FRMPD4: variants seen among roughly 807,000 people sequenced by gnomAD.
FRMPD4 encodes the protein FERM and PDZ domain containing 4.
Under a neutral mutation model 94.1 loss-of-function variants are expected in FRMPD4, and 22 were observed. The ratio of observed to expected loss-of-function variants is 0.23; its 90% confidence interval spans 0.17 to 0.33. The LOEUF is 0.33. Among genes scored for constraint, FRMPD4 ranks in the 10% least tolerant of loss-of-function variants. The pLI is 1.00. For missense variants in FRMPD4, 1,111 were observed against 1,339.9 expected (o/e 0.83, Z 2.67); for synonymous variants, 631 against 548.6 (o/e 1.15, Z -2.10).
At chrX:11,882,508 C>T (rs890910868) in intron 3 of FRMPD4, among the ~76,000 whole-genome samples, 10 of 111,418 alleles carry the variant, frequency 9.0e-5, no homozygotes, top group South Asian at 3.8e-4. Context: ...ACCAACATGA[C>T]GCTACAAGTG....
At chrX:12,432,847 A>G (rs1181660262) in intron 1 of FRMPD4, among the ~76,000 whole-genome samples, 1 of 112,307 alleles carries the variant, frequency 8.9e-6, no homozygotes, top group Non-Finnish European at 1.9e-5. Flanking sequence ...GCAATCCTCC[A>G]GCCTTGGCCT....
intron 1 of FRMPD4, among the ~76,000 whole-genome samples, chrX:12,434,359 C>G (rs4645721): frequency 0.19 from 21,373 of 110,941 alleles, 1,698 homozygotes; most frequent in South Asian, 0.24. Context: ...TTCTCTCCAC[C>G]TATAAAGATT....
chrX:12,694,006 T>C (rs1201569385), intron 8 of FRMPD4, among the ~76,000 whole-genome samples: 2 of 111,406 alleles, frequency 1.8e-5, no homozygotes, highest in Non-Finnish European at 3.8e-5. Context: ...CTATAGCTAC[T>C]CTCTGCTGGG....
At chrX:12,192,514 G>A (rs1333645118) in intron 1 of FRMPD4, among the ~76,000 whole-genome samples, 1 of 111,733 alleles carries the variant, frequency 8.9e-6, no homozygotes, top group Non-Finnish European at 1.9e-5. Flanking sequence ...GGTAGGAAGG[G>A]TTTTGTGAGC....
intron 3 of FRMPD4, among the ~76,000 whole-genome samples, chrX:11,976,414 T>TTCTGCATG (rs1417848810): frequency 8.9e-6 from 1 of 112,534 alleles, no homozygotes; most frequent in Non-Finnish European, 1.9e-5. Flanking sequence ...GCAGCTTTGA[T>TTCTGCATG]GTTCTGGCAT....
intron 3 of FRMPD4, among the ~76,000 whole-genome samples, chrX:11,967,734 A>ATG (rs1169732749): frequency 0.014 from 1,283 of 90,462 alleles, 43 homozygotes; most frequent in African/African-American, 0.043. Flanking sequence ...TTCTAGGCAG[A>ATG]TGTGTGTGTG....
At chrX:12,158,444 A>G (rs1168908548) in intron 1 of FRMPD4, among the ~76,000 whole-genome samples, 2 of 111,972 alleles carry the variant, frequency 1.8e-5, no homozygotes, top group Admixed American at 1.9e-4. Context: ...GTAAAAAATC[A>G]TAGATGTAGA....
chrX:12,635,780 G>A (rs1265630347), intron 4 of FRMPD4, among the ~76,000 whole-genome samples: 1 of 111,837 alleles, frequency 8.9e-6, no homozygotes, highest in Non-Finnish European at 1.9e-5. Flanking sequence ...ACTACAGCTG[G>A]TCATTCTTGG....
intron 1 of FRMPD4, among the ~76,000 whole-genome samples, chrX:11,843,978 CTTTTTTTTT>C (rs1193068056): frequency 1.6e-5 from 1 of 61,405 alleles, no homozygotes; most frequent in African/African-American, 7.1e-5. Flanking sequence ...GTTATGAATT[CTTTTTTTTT>C]TTTTTTTTTT....
At chrX:12,670,936 A>G (rs141035101) in intron 4 of FRMPD4, among the ~76,000 whole-genome samples, 8,376 of 112,426 alleles carry the variant, frequency 0.075, 288 homozygotes, top group Middle Eastern at 0.17. Context: ...AAGGATATGA[A>G]CAAACACTTC....
chrX:12,577,987 GT>G (rs2058828329), intron 2 of FRMPD4, among the ~76,000 whole-genome samples: 1 of 112,617 alleles, frequency 8.9e-6, no homozygotes, highest in African/African-American at 3.2e-5. Context: ...TCAGTTCTAG[GT>G]GAAGGCCCGC....
chrX:12,640,353 G>C (rs1470189330), intron 4 of FRMPD4, among the ~76,000 whole-genome samples: 2 of 103,284 alleles, frequency 1.9e-5, no homozygotes, highest in African/African-American at 7.0e-5. Flanking sequence ...GAAGGAGGAA[G>C]TAGTCGAAAG....
chrX:12,158,820 C>T (rs931406478), intron 1 of FRMPD4, among the ~76,000 whole-genome samples: 3 of 112,014 alleles, frequency 2.7e-5, no homozygotes, highest in African/African-American at 9.7e-5. Context: ...TTTGTTTCTA[C>T]TGAGCATATT....
At chrX:12,543,385 A>G (rs1456494127) in intron 2 of FRMPD4, among the ~76,000 whole-genome samples, 3 of 111,829 alleles carry the variant, frequency 2.7e-5, no homozygotes, top group African/African-American at 9.7e-5. Context: ...ACTCAAACAA[A>G]CTCACAAGAA....
intron 3 of FRMPD4, among the ~76,000 whole-genome samples, chrX:12,003,282 A>G (rs1334671714): frequency 8.9e-6 from 1 of 112,037 alleles, no homozygotes; most frequent in Non-Finnish European, 1.9e-5. Flanking sequence ...AAATAGGGAT[A>G]TAATAGGATT....
At position 12,249,748 on chromosome X, in the gene FRMPD4, A is replaced by G. The variant is rs375661592; in HGVS notation, c.41+110736A>G. ...GCAGTTTTCAGAGACTTAAGCCATC[A>G]AAATCATTCCCTCAAAAATGATTCT... On this transcript the variant is annotated intron_variant, in intron 1 of 16. Coordinates refer to ENST00000675598, the MANE Select transcript of FRMPD4 (RefSeq NM_001368397.1). Among the ~76,000 whole-genome samples the G allele has an allele frequency of 8.0e-5, 9 of 111,852 alleles. No individual in the cohort carries two copies. The South Asian group carries it at 3.4e-3, about 42-fold the overall frequency.
chrX:12,589,509 T>A (rs1399990731), intron 2 of FRMPD4, among the ~76,000 whole-genome samples: 1 of 111,910 alleles, frequency 8.9e-6, no homozygotes, highest in Admixed American at 9.5e-5. Flanking sequence ...TCATGTGGCA[T>A]GGGTAAGATT....
intron 1 of FRMPD4, among the ~76,000 whole-genome samples, chrX:12,308,551 T>C (rs1157040364): frequency 9.0e-6 from 1 of 111,491 alleles, no homozygotes; most frequent in East Asian, 2.8e-4. Flanking sequence ...TGCATTTGAA[T>C]TGAATGGTAT....
intron 1 of FRMPD4, among the ~76,000 whole-genome samples, chrX:12,261,747 A>G (rs750094150): frequency 8.9e-6 from 1 of 112,044 alleles, no homozygotes; most frequent in Non-Finnish European, 1.9e-5. Context: ...AGCTTCAACA[A>G]TTATCAATAT....
Sources: gnomAD v4.1 joint callset for allele counts (sites outside exome capture counted in the v4.1 genomes callset) on GRCh38, gnomAD v4.1.1 for gene constraint, MANE v1.5 for transcripts, NCBI Gene and HGNC (gene_info 2026-07-23, HGNC 2026-07-21) for gene names.